DOCK5: variants seen among roughly 807,000 people sequenced by gnomAD.
The protein encoded by DOCK5 is dedicator of cytokinesis 5.
A neutral mutation model predicts 251.8 loss-of-function variants in DOCK5; 142 were observed. The observed-to-expected ratio is 0.56, with a 90% CI of 0.49 to 0.65. The LOEUF (loss-of-function observed/expected upper bound fraction) is 0.65, where lower values mean the gene tolerates loss of function less well. DOCK5 is among the 30% of genes least tolerant of loss of function. DOCK5 has a pLI of 0.00. For synonymous variants in DOCK5, 842 were observed against 835.5 expected (o/e 1.01, Z -0.13); for missense variants, 2,111 against 2,312.3 (o/e 0.91, Z 1.79).
chr8:25,272,816 C>G (rs1403331477), intron 3 of DOCK5, among the ~76,000 whole-genome samples: 1 of 152,154 alleles, frequency 6.6e-6, no homozygotes, highest in Non-Finnish European at 1.5e-5. Context: ...AGAAGTCTTT[C>G]ATCTTTCCAA....
chr8:25,299,178 C>G, intron 8 of DOCK5, 77 bp downstream of exon 8: 1 of 1,505,178 alleles, frequency 6.6e-7, no homozygotes, highest in Non-Finnish European at 8.9e-7. Context: ...CCGGGCAGCT[C>G]TTTGCCAGAT....
chr8:25,310,790 G>A (rs890242623), intron 13 of DOCK5, among the ~76,000 whole-genome samples: 3 of 151,990 alleles, frequency 2.0e-5, no homozygotes, highest in Non-Finnish European at 4.4e-5. Flanking sequence ...CTATCTCCCC[G>A]AGAAAATTCC....
At chr8:25,401,534 A>C (rs1394442663) in intron 47 of DOCK5, among the ~76,000 whole-genome samples, 1 of 152,142 alleles carries the variant, frequency 6.6e-6, no homozygotes, top group Non-Finnish European at 1.5e-5. Context: ...GGAGTTCGAG[A>C]CCAGCCTGGC....
intron 1 of DOCK5, among the ~76,000 whole-genome samples, chr8:25,194,804 A>C (rs1461788268): frequency 6.6e-6 from 1 of 152,042 alleles, no homozygotes; most frequent in Non-Finnish European, 1.5e-5. Context: ...CCCACATTCT[A>C]TCTGTCATCA....
At chr8:25,317,781 T>G (rs1040045502) in intron 14 of DOCK5, among the ~76,000 whole-genome samples, 10 of 152,174 alleles carry the variant, frequency 6.6e-5, no homozygotes, top group African/African-American at 2.2e-4. Flanking sequence ...CGGCTAATTT[T>G]TTTGTATTTT....
At chr8:25,398,841 C>A (rs1801389550) in intron 45 of DOCK5, among the ~76,000 whole-genome samples, 1 of 151,786 alleles carries the variant, frequency 6.6e-6, no homozygotes, top group Non-Finnish European at 1.5e-5. Flanking sequence ...GGGTCACATT[C>A]TAAGGTACCA....
intron 14 of DOCK5, chr8:25,317,506 T>A (rs1471391943): frequency 2.3e-5 from 4 of 171,330 alleles, no homozygotes; most frequent in African/African-American, 9.5e-5. Context: ...TCAGAAAGCA[T>A]GTTTCCTTCC....
intron 40 of DOCK5, among the ~76,000 whole-genome samples, chr8:25,386,883 C>T (rs1446681592): frequency 1.3e-5 from 2 of 152,158 alleles, no homozygotes; most frequent in African/African-American, 4.8e-5. Flanking sequence ...GTTTTCTGAT[C>T]CGTAATTTAG....
intron 40 of DOCK5, among the ~76,000 whole-genome samples, chr8:25,385,040 A>G (rs1189852582): frequency 1.3e-5 from 2 of 152,184 alleles, no homozygotes; most frequent in Non-Finnish European, 2.9e-5. Flanking sequence ...AGGAATAAGC[A>G]TTGCAGGCAG....
chr8:25,373,827 A>G (rs144426644), intron 36 of DOCK5, among the ~76,000 whole-genome samples, 169 bp downstream of exon 36: 19 of 152,296 alleles, frequency 1.2e-4, no homozygotes, highest in Non-Finnish European at 2.5e-4. Context: ...AGACAGATAC[A>G]TGAATAAGTA....
intron 12 of DOCK5, among the ~76,000 whole-genome samples, chr8:25,310,201 A>G (rs1805052097): frequency 1.3e-5 from 2 of 151,964 alleles, no homozygotes; most frequent in Non-Finnish European, 2.9e-5. Context: ...CAAAGTTAGC[A>G]TCTGTTCACA....
At chr8:25,299,643 A>G (rs955682260) in intron 8 of DOCK5, among the ~76,000 whole-genome samples, 2 of 152,106 alleles carry the variant, frequency 1.3e-5, no homozygotes, top group Non-Finnish European at 2.9e-5. Flanking sequence ...GGGAGAGAAT[A>G]TGTTATGGGA....
chr8:25,372,527 C>G, intron 34 of DOCK5, 32 bp from the exon 35 acceptor site: 1 of 1,546,536 alleles, frequency 6.5e-7, no homozygotes, highest in East Asian at 2.3e-5. Context: ...AGCATGGAAC[C>G]TGGGCTTTTG....
At chr8:25,268,763 G>C in intron 2 of DOCK5, 82 bp from the exon 3 acceptor site, 1 of 1,181,054 alleles carries the variant, frequency 8.5e-7, no homozygotes, top group East Asian at 2.7e-5. Context: ...ATTGCTAATA[G>C]AACATGAGAG....
At chr8:25,387,594 T>A (rs910924351) in intron 40 of DOCK5, among the ~76,000 whole-genome samples, 1 of 152,252 alleles carries the variant, frequency 6.6e-6, no homozygotes, top group Admixed American at 6.5e-5. Flanking sequence ...TCTTCTTTCA[T>A]CATGCATCTC....
intron 18 of DOCK5, among the ~76,000 whole-genome samples, chr8:25,330,800 T>G (rs1474744655): frequency 6.6e-6 from 1 of 152,098 alleles, no homozygotes; most frequent in African/African-American, 2.4e-5. Flanking sequence ...CTCACACTTG[T>G]AATCCCTTTG....
chr8:25,312,429 T>C (rs1164516334), intron 13 of DOCK5, among the ~76,000 whole-genome samples: 1 of 152,160 alleles, frequency 6.6e-6, no homozygotes, highest in African/African-American at 2.4e-5. Flanking sequence ...TCAATAGGAT[T>C]GGTTCATAGG....
At position 25,317,123 on chromosome 8, in the gene DOCK5, C is replaced by T. The variant is rs746497406; in HGVS notation, c.1435C>T (p.Leu479Phe). ...GTCTGTGCACGATGAGGAGGGCAAGCTCTTGGAGGTGCGCGGCATGGCCCA... is the reference window on the plus strand; with the variant it reads ...GTCTGTGCACGATGAGGAGGGCAAGTTCTTGGAGGTGCGCGGCATGGCCCA... ...TMSVHDEEGK[L>F]LEKAIHPGAG... The change falls in exon 14 of 52, where the codon CTC (leucine) becomes TTC (phenylalanine). Residue 479 changes from leucine (L) to phenylalanine (F), a missense_variant. Leu to Phe is a conservative substitution (Grantham distance 22, BLOSUM62 0). Coordinates refer to ENST00000276440, the MANE Select transcript of DOCK5 (RefSeq NM_024940.8). 7.4e-6 allele frequency: 12 copies of T among 1,613,486 alleles called. No homozygotes were observed. The East Asian group carries it at 8.9e-5, about 12-fold the overall frequency.
At chr8:25,381,467 A>G (rs952512232) in intron 39 of DOCK5, among the ~76,000 whole-genome samples, 29 of 152,116 alleles carry the variant, frequency 1.9e-4, no homozygotes, top group Non-Finnish European at 3.5e-4. Flanking sequence ...TCTACAAAAA[A>G]TATAAAAAAT....
Sources: gnomAD v4.1 joint callset for allele counts (sites outside exome capture counted in the v4.1 genomes callset) on GRCh38, gnomAD v4.1.1 for gene constraint, MANE v1.5 for transcripts, NCBI Gene and HGNC (gene_info 2026-07-23, HGNC 2026-07-21) for gene names.